NCOA2: variants seen among roughly 807,000 people sequenced by gnomAD.
NCOA2 encodes class E basic helix-loop-helix protein 75.
A neutral mutation model predicts 145.1 loss-of-function variants in NCOA2; 21 were observed. The observed-to-expected ratio is 0.14, with a 90% CI of 0.10 to 0.21. The LOEUF (loss-of-function observed/expected upper bound fraction) is 0.21. Among genes scored for constraint, NCOA2 ranks in the 10% least tolerant of loss-of-function variants. The pLI is 1.00. For synonymous variants in NCOA2, 619 were observed against 637.5 expected, an observed-to-expected ratio of 0.97 and a Z score of 0.44; for missense variants, 1,472 against 1,837.6, an observed-to-expected ratio of 0.80 and a Z score of 3.64.
At chr8:70,142,795 G>A (rs935402073) in intron 13 of NCOA2, among the ~76,000 whole-genome samples, 15 of 151,792 alleles carry the variant, frequency 9.9e-5, no homozygotes, top group African/African-American at 3.4e-4. Context: ...AAAATATTAT[G>A]GGAAAAAGGG....
the NCOA2 span, among the ~76,000 whole-genome samples, chr8:70,420,970 C>T: frequency 1.3e-5 from 2 of 152,010 alleles, no homozygotes; most frequent in South Asian, 2.1e-4. Context: ...TATCTGTTAT[C>T]TTTAAAAACT....
intron 22 of NCOA2, among the ~76,000 whole-genome samples, chr8:70,118,793 A>G (rs1807442132): frequency 6.6e-6 from 1 of 151,558 alleles, no homozygotes; most frequent in Non-Finnish European, 1.5e-5. Flanking sequence ...GGTTCAAGCA[A>G]TTCTCCTATC....
chr8:70,213,295 C>T lies in NCOA2; in HGVS notation c.259+608G>A, dbSNP rs116310869. On this transcript the variant is annotated intron_variant, in intron 4 of 22. Coordinates refer to ENST00000452400, the MANE Select transcript of NCOA2 (RefSeq NM_006540.4). ...AAAACATTATTTTCTTGATATTTTT[C>T]TGTAGGCATAAATATCAAAGAAAAG... 2.3e-3 allele frequency among the ~76,000 whole-genome samples: 347 copies of T among 152,158 alleles called. 3 individuals carry two copies. The highest frequency in any genetic ancestry group is 7.9e-3 in the African/African-American group (329 of 41,516).
At chr8:70,290,884 T>A (rs1201369615) in intron 2 of NCOA2, among the ~76,000 whole-genome samples, 3 of 151,734 alleles carry the variant, frequency 2.0e-5, no homozygotes, top group Non-Finnish European at 2.9e-5. Flanking sequence ...TTTAAGGGGA[T>A]TCTGGCAAAG....
chr8:70,179,724 A>G (rs1815265168), intron 4 of NCOA2, among the ~76,000 whole-genome samples: 2 of 152,104 alleles, frequency 1.3e-5, no homozygotes, highest in African/African-American at 2.4e-5. Flanking sequence ...TTACAAAAAT[A>G]TCCTTCAGTA....
At chr8:70,346,768 T>C (rs186739330) in intron 1 of NCOA2, among the ~76,000 whole-genome samples, 1 of 152,322 alleles carries the variant, frequency 6.6e-6, no homozygotes, top group East Asian at 1.9e-4. Context: ...CTCAAGCTGT[T>C]AGGTTGCAGA....
At chr8:70,281,411 G>T (rs1175280652) in intron 2 of NCOA2, among the ~76,000 whole-genome samples, 1 of 141,256 alleles carries the variant, frequency 7.1e-6, no homozygotes, top group Non-Finnish European at 1.5e-5. Flanking sequence ...TTCCAGGTAT[G>T]AAAGACTCTG....
At chr8:70,118,316 C>T (rs1437205332) in intron 22 of NCOA2, among the ~76,000 whole-genome samples, 1 of 152,190 alleles carries the variant, frequency 6.6e-6, no homozygotes, top group Non-Finnish European at 1.5e-5. Context: ...CATCACTGTT[C>T]TTCTGGGAAG....
At chr8:70,452,430 GA>G in the NCOA2 span, among the ~76,000 whole-genome samples, 1 of 152,122 alleles carries the variant, frequency 6.6e-6, no homozygotes, top group Admixed American at 6.5e-5. Flanking sequence ...CAAAAAAAGA[GA>G]AAATAACAAG....
At chr8:70,404,132 G>C (rs1166028891), upstream of NCOA2, among the ~76,000 whole-genome samples, 1 of 152,238 alleles carries the variant, frequency 6.6e-6, no homozygotes, top group Admixed American at 6.5e-5. Flanking sequence ...CTCTGAGAAG[G>C]CGGCCCGGGG....
intron 4 of NCOA2, among the ~76,000 whole-genome samples, chr8:70,196,515 AC>A (rs1362723241): frequency 1.3e-5 from 2 of 152,238 alleles, no homozygotes; most frequent in East Asian, 3.8e-4. Flanking sequence ...GACAGTTATG[AC>A]CTAAAGGTGC....
chr8:70,403,550 C>T (rs1158214359), intron 1 of NCOA2, 150 bp downstream of exon 1: 2 of 289,638 alleles, frequency 6.9e-6, no homozygotes, highest in Non-Finnish European at 1.3e-5. Context: ...GCGGCGGTCC[C>T]CGCACACAAA....
At chr8:70,180,094 T>C (rs1445466643) in intron 4 of NCOA2, among the ~76,000 whole-genome samples, 6 of 152,220 alleles carry the variant, frequency 3.9e-5, no homozygotes, top group African/African-American at 1.2e-4. Context: ...ACAGTTTTTC[T>C]TTTTAGATAA....
intron 2 of NCOA2, among the ~76,000 whole-genome samples, chr8:70,246,608 A>G (rs1206988108): frequency 6.6e-6 from 1 of 152,142 alleles, no homozygotes; most frequent in Non-Finnish European, 1.5e-5. Flanking sequence ...AACCATTTGT[A>G]AGTGTACAGT....
intron 22 of NCOA2, among the ~76,000 whole-genome samples, chr8:70,114,827 C>G (rs776809680): frequency 1.4e-4 from 21 of 152,116 alleles, no homozygotes; most frequent in Non-Finnish European, 2.8e-4. Flanking sequence ...TCTATTTTAC[C>G]TTAGCACTCC....
chr8:70,263,344 T>G (rs1276034640), intron 2 of NCOA2, among the ~76,000 whole-genome samples: 1 of 151,614 alleles, frequency 6.6e-6, no homozygotes, highest in Non-Finnish European at 1.5e-5. Context: ...ACTCATGGAT[T>G]ATTTCTGGAA....
chr8:70,448,871 C>T, the NCOA2 span, among the ~76,000 whole-genome samples: 2 of 151,312 alleles, frequency 1.3e-5, no homozygotes, highest in East Asian at 1.9e-4. Flanking sequence ...GTGGTGCAAT[C>T]GCAGCTCACT....
At chr8:70,223,937 T>C (rs746022247) in intron 2 of NCOA2, among the ~76,000 whole-genome samples, 4 of 152,362 alleles carry the variant, frequency 2.6e-5, no homozygotes, top group East Asian at 1.9e-4. Context: ...ACAGTGACTA[T>C]GTAATTTGAA....
chr8:70,187,555 A>G (rs1816211737), intron 4 of NCOA2, among the ~76,000 whole-genome samples: 1 of 152,244 alleles, frequency 6.6e-6, no homozygotes, highest in Non-Finnish European at 1.5e-5. Context: ...AGACAGATAT[A>G]CAGACTGTGA....
Sources: allele counts gnomAD v4.1 joint callset (sites outside exome capture counted in the v4.1 genomes callset), GRCh38; gene constraint gnomAD v4.1.1; transcripts MANE v1.5; gene names NCBI Gene and HGNC (gene_info 2026-07-23, HGNC 2026-07-21).